CHLSN: variants seen among roughly 807,000 people sequenced by gnomAD.
The protein encoded by CHLSN is cholesin.
the CHLSN span, among the ~76,000 whole-genome samples, chr7:1,104,963 CAGTA>C: frequency 6.6e-6 from 1 of 152,196 alleles, no homozygotes; most frequent in African/African-American, 2.4e-5. Context: ...TAACTGAGAA[CAGTA>C]AGTTCAGAGG....
At chr7:1,120,220 G>A in the CHLSN span, among the ~76,000 whole-genome samples, 62 of 152,272 alleles carry the variant, frequency 4.1e-4, no homozygotes, top group African/African-American at 1.4e-3. Flanking sequence ...TACCAGAGCC[G>A]CCAAGATTAA....
chr7:1,003,574 C>T, the CHLSN span, among the ~76,000 whole-genome samples: 1 of 38,210 alleles, frequency 2.6e-5, no homozygotes, highest in Non-Finnish European at 4.5e-5. Context: ...GTGGGGAGTC[C>T]TGTGGGTGGG....
chr7:1,114,919 A>T, the CHLSN span, among the ~76,000 whole-genome samples: 1 of 152,204 alleles, frequency 6.6e-6, no homozygotes, highest in South Asian at 2.1e-4. Flanking sequence ...CGTGGGTGGG[A>T]GCCATGGTCA....
At chr7:1,001,150 G>T in the CHLSN span, among the ~76,000 whole-genome samples, 16 of 152,306 alleles carry the variant, frequency 1.1e-4, no homozygotes, top group Admixed American at 2.0e-4. Flanking sequence ...GGCCAGGCAG[G>T]GTTTACTCCA....
the CHLSN span, chr7:984,287 C>A: frequency 4.7e-6 from 6 of 1,284,888 alleles, no homozygotes; most frequent in Non-Finnish European, 6.3e-6. Context: ...TCTAGGCGTG[C>A]CCCCTCCACC....
the CHLSN span, among the ~76,000 whole-genome samples, chr7:1,015,443 C>T: frequency 6.6e-6 from 1 of 152,246 alleles, no homozygotes; most frequent in Non-Finnish European, 1.5e-5. Context: ...TTCATGCAAG[C>T]TGTCAGCTGC....
the CHLSN span, among the ~76,000 whole-genome samples, chr7:1,072,321 C>T: frequency 3.3e-5 from 5 of 152,336 alleles, no homozygotes; most frequent in East Asian, 5.8e-4. Context: ...AAAGCACGCA[C>T]GACTGCAGCG....
chr7:1,094,164 C>G, the CHLSN span, among the ~76,000 whole-genome samples: 1 of 152,244 alleles, frequency 6.6e-6, no homozygotes, highest in Non-Finnish European at 1.5e-5. Context: ...CACCCAAGCG[C>G]TCCTGGAGCA....
chr7:1,031,958 G>GCAACC, the CHLSN span, among the ~76,000 whole-genome samples: 3 of 152,114 alleles, frequency 2.0e-5, no homozygotes, highest in Non-Finnish European at 2.9e-5. Flanking sequence ...GGGGGTGAGA[G>GCAACC]CAACCTGGTC....
chr7:986,401 G>A, the CHLSN span: 2 of 590,910 alleles, frequency 3.4e-6, no homozygotes, highest in Non-Finnish European at 6.0e-6. Context: ...GTCCTGCTGT[G>A]CAAACCTGCC....
the CHLSN span, among the ~76,000 whole-genome samples, chr7:993,900 G>C: frequency 6.8e-6 from 1 of 147,626 alleles, no homozygotes; most frequent in Admixed American, 6.7e-5. Context: ...CTGTTTCTCA[G>C]ACATCAATCC....
chr7:1,061,747 C>T, the CHLSN span, among the ~76,000 whole-genome samples: 1 of 152,112 alleles, frequency 6.6e-6, no homozygotes, highest in Non-Finnish European at 1.5e-5. Context: ...TGCCCAACTC[C>T]CCAGTTCTTC....
At chr7:1,136,111 TATAC>T in the CHLSN span, among the ~76,000 whole-genome samples, 2 of 76,520 alleles carry the variant, frequency 2.6e-5, no homozygotes, top group East Asian at 3.3e-4. Context: ...TATAAATATA[TATAC>T]ATAAATATAT....
At chr7:1,007,060 G>A in the CHLSN span, among the ~76,000 whole-genome samples, 203 of 152,336 alleles carry the variant, frequency 1.3e-3, no homozygotes, top group East Asian at 0.019. Context: ...GGGTCGACGT[G>A]TCTTGGGGGC....
At chr7:1,118,493 G>A in the CHLSN span, among the ~76,000 whole-genome samples, 2 of 152,060 alleles carry the variant, frequency 1.3e-5, no homozygotes, top group African/African-American at 2.4e-5. Flanking sequence ...AAAGTATCAA[G>A]AATCCTAACA....
the CHLSN span, among the ~76,000 whole-genome samples, chr7:1,019,807 TGGGG>T: frequency 9.2e-5 from 14 of 152,322 alleles, no homozygotes; most frequent in African/African-American, 3.1e-4. Context: ...TGTGGGGGGC[TGGGG>T]CTGCCTGGGG....
At chr7:1,035,282 T>C in the CHLSN span, among the ~76,000 whole-genome samples, 1 of 152,256 alleles carries the variant, frequency 6.6e-6, no homozygotes, top group Non-Finnish European at 1.5e-5. Context: ...AGTGCTGGGC[T>C]GGTGTCATGT....
At chr7:1,099,460 G>A in the CHLSN span, among the ~76,000 whole-genome samples, 13 of 152,354 alleles carry the variant, frequency 8.5e-5, 1 homozygote, top group South Asian at 8.3e-4. Flanking sequence ...AATCCTAGAC[G>A]CCATCCAGCA....
At chr7:1,127,299 C>T in the CHLSN span, 4 of 1,611,806 alleles carry the variant, frequency 2.5e-6, no homozygotes, top group Non-Finnish European at 3.4e-6. Context: ...CCTCAGGGCC[C>T]AGCAGTGGCC....
Sources: allele counts gnomAD v4.1 joint callset (sites outside exome capture counted in the v4.1 genomes callset), GRCh38; gene constraint gnomAD v4.1.1; transcripts MANE v1.5; gene names NCBI Gene and HGNC (gene_info 2026-07-23, HGNC 2026-07-21).